The following GPC5 variants were observed in gnomAD, a reference collection of about 807,000 sequenced individuals.
GPC5 encodes the protein glypican-5.
A neutral mutation model predicts 53.9 loss-of-function variants in GPC5; 47 were observed. The ratio of observed to expected loss-of-function variants is 0.87; its 90% CI spans 0.69 to 1.11. The LOEUF is 1.11. Ranked by LOEUF, GPC5 falls within the 50% of genes most tolerant of loss-of-function variation. The pLI, the probability that GPC5 is intolerant of heterozygous loss-of-function variation, is 0.00. For missense variants in GPC5, 748 were observed against 713.1 expected, an observed-to-expected ratio of 1.05 and a Z score of -0.56; for synonymous variants, 286 against 263.3, an observed-to-expected ratio of 1.09 and a Z score of -0.84.
At chr13:91,748,648 A>C (rs1170730379) in intron 4 of GPC5, among the ~76,000 whole-genome samples, 1 of 152,190 alleles carries the variant, frequency 6.6e-6, no homozygotes. Flanking sequence ...GTAGATTGGC[A>C]TACAGGGGGA....
At chr13:92,439,354 G>A (rs1877452251) in intron 7 of GPC5, among the ~76,000 whole-genome samples, 1 of 152,088 alleles carries the variant, frequency 6.6e-6, no homozygotes, top group African/African-American at 2.4e-5. Context: ...TAGTGATAAG[G>A]GACTCAGTGA....
In GPC5 at chr13:92,554,589, C is replaced by T. The variant is rs1259329968; in HGVS notation, c.1562-311693C>T. ...AAAAATTCATCCCCAAAACTATTTA[C>T]TTGAAAAAAACTAACAAATAAACAA... is the stretch of plus-strand genomic sequence containing the variant. On this transcript the variant is annotated intron_variant, in intron 7 of 7. Transcript: ENST00000377067. Among the ~76,000 whole-genome samples, 5 of 150,560 alleles carry T rather than the reference C, an allele frequency of 3.3e-5. No individual in the cohort carries two copies. In the South Asian group the frequency reaches 1.0e-3, roughly 32 times the overall value.
intron 2 of GPC5, among the ~76,000 whole-genome samples, chr13:91,662,791 TG>T (rs746893562): frequency 9.8e-5 from 15 of 152,324 alleles, no homozygotes; most frequent in South Asian, 2.1e-4. Flanking sequence ...TTCCAAGGAA[TG>T]CTCCATTACT....
intron 7 of GPC5, among the ~76,000 whole-genome samples, chr13:92,767,033 G>A (rs1875429306): frequency 6.6e-6 from 1 of 152,176 alleles, no homozygotes; most frequent in Admixed American, 6.5e-5. Context: ...TCTATTGTGG[G>A]TCTCGTGCAC....
chr13:91,867,517 T>C (rs2039098015), intron 5 of GPC5, among the ~76,000 whole-genome samples: 1 of 152,202 alleles, frequency 6.6e-6, no homozygotes. Flanking sequence ...ATATTTTAAT[T>C]CTAAGAAAGA....
rs553798077 is a variant in GPC5 at position 92,613,428 on chromosome 13, ATT to A, written c.1562-252852_1562-252851del. Among the ~76,000 whole-genome samples, 3 of 16,910 alleles carry A rather than the reference ATT, an allele frequency of 1.8e-4. 1 individual carries two copies. The highest frequency in any genetic ancestry group is 5.3e-4 in the African/African-American group (3 of 5,702). The allele number at this position is 16,910 out of a possible 152,430, so 11.1% of individuals were successfully genotyped here. On this transcript the variant is annotated intron_variant, in intron 7 of 7. Coordinates refer to ENST00000377067, the MANE Select transcript of GPC5 (RefSeq NM_004466.6). The stretch of plus-strand genomic sequence containing the variant: ...TATATTATATATAAATATGATATAT[ATT>A]TATATATAAATATATATATTTATAT...
chr13:91,616,906 C>T (rs1039600476), intron 2 of GPC5, among the ~76,000 whole-genome samples: 2 of 152,092 alleles, frequency 1.3e-5, no homozygotes, highest in Non-Finnish European at 2.9e-5. Flanking sequence ...ACCTTGCCAG[C>T]CTTCACACTG....
intron 2 of GPC5, among the ~76,000 whole-genome samples, chr13:91,504,085 C>T (rs764624582): frequency 6.6e-6 from 1 of 151,798 alleles, no homozygotes; most frequent in Non-Finnish European, 1.5e-5. Context: ...TTGTTCTTCT[C>T]AATATGTTCA....
chr13:92,360,403 A>G (rs1373374436), intron 7 of GPC5, among the ~76,000 whole-genome samples: 2 of 151,716 alleles, frequency 1.3e-5, no homozygotes, highest in African/African-American at 2.4e-5. Context: ...TAGATCCATA[A>G]AAGGCTTTTG....
chr13:92,128,984 TAAAATCTTCAAG>T (rs1461874969), intron 6 of GPC5, among the ~76,000 whole-genome samples: 1 of 151,898 alleles, frequency 6.6e-6, no homozygotes, highest in Non-Finnish European at 1.5e-5. Flanking sequence ...AAAAGTAAAA[TAAAATCTTCAAG>T]AATACCAAAG....
chr13:92,489,666 C>T (rs1276291108), intron 7 of GPC5, among the ~76,000 whole-genome samples: 3 of 152,030 alleles, frequency 2.0e-5, no homozygotes, highest in Admixed American at 1.3e-4. Flanking sequence ...TTCAGAAGAA[C>T]TCAGAATATT....
chr13:91,787,385 A>C (rs1445089589), intron 5 of GPC5, among the ~76,000 whole-genome samples: 3 of 152,120 alleles, frequency 2.0e-5, no homozygotes, highest in Non-Finnish European at 4.4e-5. Context: ...TTTATTATGA[A>C]TAGATGTGGG....
At chr13:92,288,853 A>G (rs1289765002) in intron 7 of GPC5, among the ~76,000 whole-genome samples, 1 of 152,158 alleles carries the variant, frequency 6.6e-6, no homozygotes, top group African/African-American at 2.4e-5. Flanking sequence ...GTTTCCCAAG[A>G]CCATCAACTG....
intron 7 of GPC5, among the ~76,000 whole-genome samples, chr13:92,529,293 G>C (rs1192469547): frequency 6.6e-6 from 1 of 152,064 alleles, no homozygotes; most frequent in African/African-American, 2.4e-5. Context: ...GAGTCTTAAA[G>C]ACATTGAATC....
At chr13:91,702,702 G>A (rs1281579117) in intron 3 of GPC5, among the ~76,000 whole-genome samples, 4 of 151,930 alleles carry the variant, frequency 2.6e-5, no homozygotes, top group Non-Finnish European at 5.9e-5. Context: ...GATAGAGATT[G>A]CACTGAATCT....
chr13:92,013,823 T>C (rs1251098406), intron 6 of GPC5, among the ~76,000 whole-genome samples: 1 of 152,168 alleles, frequency 6.6e-6, no homozygotes, highest in Non-Finnish European at 1.5e-5. Context: ...TTTTATTATA[T>C]TGCAATTATT....
At chr13:91,637,585 G>C (rs2034315767) in intron 2 of GPC5, among the ~76,000 whole-genome samples, 1 of 152,132 alleles carries the variant, frequency 6.6e-6, no homozygotes, top group Non-Finnish European at 1.5e-5. Context: ...GCTATTACAG[G>C]ACTGAAAATA....
At chr13:92,205,466 A>G (rs1287283463) in intron 7 of GPC5, among the ~76,000 whole-genome samples, 1 of 152,120 alleles carries the variant, frequency 6.6e-6, no homozygotes, top group African/African-American at 2.4e-5. Flanking sequence ...GCAGCCCACT[A>G]TAAATAACAA....
chr13:91,698,219 A>C (rs576534480), intron 3 of GPC5, among the ~76,000 whole-genome samples: 1 of 152,164 alleles, frequency 6.6e-6, no homozygotes, highest in Non-Finnish European at 1.5e-5. Context: ...CTTACAGATA[A>C]GTTTTTCAGC....
Sources: allele counts gnomAD v4.1 joint callset (sites outside exome capture counted in the v4.1 genomes callset), GRCh38; gene constraint gnomAD v4.1.1; transcripts MANE v1.5; gene names NCBI Gene and HGNC (gene_info 2026-07-23, HGNC 2026-07-21).